CSMD3: variants seen among roughly 807,000 people sequenced by gnomAD.
CSMD3 encodes the protein CUB and sushi domain-containing protein 3.
A neutral mutation model predicts 435.2 loss-of-function variants in CSMD3; 177 were observed. That is an observed-to-expected ratio of 0.41 (90% CI 0.36 to 0.46). The LOEUF (loss-of-function observed/expected upper bound fraction) is 0.46. CSMD3 is among the 20% of genes least tolerant of loss of function. The probability of loss-of-function intolerance (pLI) is 0.34; values close to 1 mark genes in which losing one functional copy is unlikely to be tolerated. For synonymous variants in CSMD3, 1,656 were observed against 1,520.5 expected (o/e 1.09, Z -2.07); for missense variants, 4,265 against 4,504.6 (o/e 0.95, Z 1.52).
intron 13 of CSMD3, among the ~76,000 whole-genome samples, chr8:112,751,329 C>T (rs945597726): frequency 9.2e-5 from 14 of 151,848 alleles, no homozygotes; most frequent in Admixed American, 2.6e-4. Flanking sequence ...ATAACCACAC[C>T]CAATATACCT....
rs141639289 is a variant in CSMD3 at position 112,648,574 on chromosome 8, G to T, written c.3193+1587C>A. On this transcript the variant is annotated intron_variant, in intron 19 of 70. Transcript: ENST00000297405. ...CAATAAAAAGCCATTAAGAATTTTG[G>T]ATATGGAATATAACGTGAAATAACC... Among the ~76,000 whole-genome samples the T allele has an allele frequency of 7.0e-4, 106 of 152,252 alleles. 1 individual carries two copies. Among genetic ancestry groups the T allele is most frequent in the African/African-American group, 2.4e-3 (99 of 41,564 alleles).
intron 13 of CSMD3, among the ~76,000 whole-genome samples, chr8:112,739,019 C>G (rs571972300): frequency 7.3e-5 from 11 of 151,688 alleles, no homozygotes; most frequent in African/African-American, 2.2e-4. Flanking sequence ...TAGTTCTATA[C>G]TGCAAGCTTG....
intron 32 of CSMD3, among the ~76,000 whole-genome samples, chr8:112,430,077 C>T (rs1813496212): frequency 6.6e-6 from 1 of 151,898 alleles, no homozygotes; most frequent in African/African-American, 2.4e-5. Flanking sequence ...TTAATTTTGT[C>T]CTACACATCC....
At chr8:112,781,555 A>G (rs747799447) in intron 13 of CSMD3, among the ~76,000 whole-genome samples, 10 of 152,100 alleles carry the variant, frequency 6.6e-5, no homozygotes, top group African/African-American at 1.2e-4. Flanking sequence ...TCTGCTAACT[A>G]AAGAGCACTT....
chr8:112,346,669 C>CTTTTTTTTTTTTTTTTTT (rs1402415225), intron 40 of CSMD3, among the ~76,000 whole-genome samples: 5 of 111,832 alleles, frequency 4.5e-5, no homozygotes, highest in Admixed American at 2.9e-4. Context: ...CCTCCTTTTC[C>CTTTTTTTTTTTTTTTTTT]TTTTTTTTTT....
intron 1 of CSMD3, among the ~76,000 whole-genome samples, chr8:113,378,127 T>C (rs773621891): frequency 6.6e-6 from 1 of 152,228 alleles, no homozygotes; most frequent in Non-Finnish European, 1.5e-5. Flanking sequence ...CATCATTTTC[T>C]ACTATAGGCA....
intron 4 of CSMD3, among the ~76,000 whole-genome samples, chr8:113,137,493 T>A (rs1055581993): frequency 4.6e-5 from 7 of 151,674 alleles, no homozygotes; most frequent in Non-Finnish European, 7.4e-5. Context: ...TGAGACTGAG[T>A]AATTTATAAA....
intron 5 of CSMD3, among the ~76,000 whole-genome samples, chr8:113,027,218 A>G (rs1253203997): frequency 1.3e-5 from 2 of 152,164 alleles, no homozygotes; most frequent in Non-Finnish European, 2.9e-5. Flanking sequence ...ATGCTTTGCC[A>G]TAATATCAGT....
chr8:112,267,371 A>G (rs1021486699), intron 59 of CSMD3, among the ~76,000 whole-genome samples: 1 of 152,016 alleles, frequency 6.6e-6, no homozygotes. Flanking sequence ...TTTCCTTCCT[A>G]TGATTATTGG....
chr8:113,090,779 CAT>C (rs2089976546), intron 5 of CSMD3, among the ~76,000 whole-genome samples: 1 of 152,102 alleles, frequency 6.6e-6, no homozygotes, highest in Non-Finnish European at 1.5e-5. Flanking sequence ...CTCTTACAAA[CAT>C]ATGTTGTGAA....
intron 2 of CSMD3, among the ~76,000 whole-genome samples, chr8:113,306,153 A>T (rs1472955202): frequency 6.6e-6 from 1 of 152,174 alleles, no homozygotes. Flanking sequence ...AATAAATAAT[A>T]ACTATTATTA....
intron 59 of CSMD3, among the ~76,000 whole-genome samples, chr8:112,280,973 G>T (rs900834024): frequency 6.6e-6 from 1 of 152,066 alleles, no homozygotes; most frequent in Admixed American, 6.6e-5. Context: ...AGTTAATGTA[G>T]TACCTTGATA....
chr8:113,055,861 A>C (rs990298793), intron 5 of CSMD3, among the ~76,000 whole-genome samples: 2 of 152,188 alleles, frequency 1.3e-5, no homozygotes, highest in Admixed American at 1.3e-4. Context: ...TTGCTCTTAA[A>C]GTTTGAAGAT....
chr8:113,414,466 C>T (rs1406333477), intron 1 of CSMD3, among the ~76,000 whole-genome samples: 1 of 151,962 alleles, frequency 6.6e-6, no homozygotes, highest in Non-Finnish European at 1.5e-5. Context: ...TATTTTTCTC[C>T]TATGCACCCT....
At chr8:112,739,426 A>G (rs1402095572) in intron 13 of CSMD3, among the ~76,000 whole-genome samples, 1 of 151,754 alleles carries the variant, frequency 6.6e-6, no homozygotes, top group Non-Finnish European at 1.5e-5. Context: ...TGCACTCTTC[A>G]GTTTGCCATT....
chr8:112,891,636 T>A (rs2130333293), intron 10 of CSMD3, among the ~76,000 whole-genome samples: 1 of 151,640 alleles, frequency 6.6e-6, no homozygotes, highest in East Asian at 2.0e-4. Flanking sequence ...AGGACTAAGT[T>A]AATTCAGTTT....
intron 65 of CSMD3, 56 bp from the exon 66 acceptor site, chr8:112,241,841 T>TAC: frequency 2.5e-6 from 2 of 798,952 alleles, no homozygotes; most frequent in Non-Finnish European, 4.2e-6. Context: ...TACATACACA[T>TAC]GCGCACACAC....
Position 112,492,575 on chromosome 8 carries a change from T to A in CSMD3, c.5192A>T (p.Tyr1731Phe). ...STVTYYCDAG[Y>F]VLQGYSTLTC... Reference sequence around the variant, plus strand: ...GAGTGTTGAATAACCTTGAAGAACATAACCAGCATCACAGTAATAGGTGAC... The same window carrying A: ...GAGTGTTGAATAACCTTGAAGAACAAAACCAGCATCACAGTAATAGGTGAC... Residue 1731 changes from tyrosine (Y) to phenylalanine (F), a missense_variant, in exon 31 of 71, where the codon TAT (tyrosine) becomes TTT (phenylalanine). Tyr to Phe is a conservative substitution (Grantham distance 22). This residue lies in a region of CSMD3 where 3,255 missense variants were observed against 3,380.2 expected (regional missense o/e 0.96). Transcript: ENST00000297405. The A allele has an allele frequency of 6.2e-7, 1 of 1,613,786 alleles. No individual in the cohort carries two copies. The highest frequency in any genetic ancestry group is 8.5e-7 in the Non-Finnish European group (1 of 1,179,716).
chr8:112,829,049 GA>G (rs974357149), intron 12 of CSMD3, among the ~76,000 whole-genome samples: 5 of 143,016 alleles, frequency 3.5e-5, no homozygotes, highest in Non-Finnish European at 4.6e-5. Context: ...AAAAGGAAAA[GA>G]AAAAAAAAGG....
Sources: allele counts gnomAD v4.1 joint callset (sites outside exome capture counted in the v4.1 genomes callset), GRCh38; gene constraint gnomAD v4.1.1; regional missense constraint gnomAD v4.1.1; transcripts MANE v1.5; gene names NCBI Gene and HGNC (gene_info 2026-07-23, HGNC 2026-07-21).